PLCB1: variants seen among roughly 807,000 people sequenced by gnomAD.
PLCB1 encodes the protein phospholipase C beta 1, also known as 1-phosphatidylinositol 4,5-bisphosphate phosphodiesterase beta-1.
In PLCB1, 46 loss-of-function variants were observed where a neutral mutation model predicts 161.8. The ratio of observed to expected loss-of-function variants is 0.28; its 90% CI spans 0.22 to 0.36. The LOEUF (loss-of-function observed/expected upper bound fraction) is 0.36. Among genes scored for constraint, PLCB1 ranks in the 10% least tolerant of loss-of-function variants. The pLI is 1.00. For missense variants in PLCB1, 1,016 were observed against 1,472.5 expected, an observed-to-expected ratio of 0.69 and a Z score of 5.07; for synonymous variants, 517 against 503.7, an observed-to-expected ratio of 1.03 and a Z score of -0.35.
chr20:8,483,543 C>G (rs1982594697), intron 3 of PLCB1, among the ~76,000 whole-genome samples: 1 of 152,168 alleles, frequency 6.6e-6, no homozygotes, highest in Non-Finnish European at 1.5e-5. Flanking sequence ...AAGAGCCCTT[C>G]TCTGCCTGAA....
chr20:8,206,985 A>T (rs1423186111), intron 2 of PLCB1, among the ~76,000 whole-genome samples: 2 of 94,670 alleles, frequency 2.1e-5, no homozygotes, highest in Admixed American at 8.9e-5. Context: ...TACAAGGAGA[A>T]TAAAAATTGT....
intron 11 of PLCB1, among the ~76,000 whole-genome samples, chr20:8,702,829 C>T (rs1024178806): frequency 6.6e-6 from 1 of 152,204 alleles, no homozygotes; most frequent in Non-Finnish European, 1.5e-5. Flanking sequence ...TGATCACGCA[C>T]ACCATACAAA....
At chr20:8,809,515 T>C (rs1984708128) in intron 31 of PLCB1, among the ~76,000 whole-genome samples, 1 of 152,054 alleles carries the variant, frequency 6.6e-6, no homozygotes, top group Non-Finnish European at 1.5e-5. Flanking sequence ...TTTACACCAT[T>C]GAAAATCAAC....
chr20:8,868,040 C>T (rs1010811469), intron 31 of PLCB1, among the ~76,000 whole-genome samples: 12 of 151,864 alleles, frequency 7.9e-5, no homozygotes, highest in African/African-American at 1.7e-4. Flanking sequence ...GGTTATAACC[C>T]AAGAGATTTT....
chr20:8,511,940 T>C (rs1983910317), intron 3 of PLCB1, among the ~76,000 whole-genome samples: 4 of 152,180 alleles, frequency 2.6e-5, no homozygotes, highest in Admixed American at 2.6e-4. Context: ...CCTTATCAGA[T>C]GTGTGGTTTG....
intron 19 of PLCB1, 25 bp downstream of exon 19, chr20:8,733,417 G>A (rs953420192): frequency 3.1e-6 from 5 of 1,605,488 alleles, no homozygotes; most frequent in Non-Finnish European, 4.3e-6. Context: ...TCACAAAATT[G>A]TTCCTAACAA....
chr20:8,730,419 T>G (rs567149523), intron 18 of PLCB1, among the ~76,000 whole-genome samples: 27 of 152,010 alleles, frequency 1.8e-4, no homozygotes, highest in Admixed American at 1.2e-3. Context: ...CAGACCCATT[T>G]TTTCACTTTG....
rs565640508 is a variant in PLCB1, at chr20:8,793,969, A to G, written c.3423+3708A>G. On this transcript the variant is annotated intron_variant, in intron 31 of 31. Coordinates refer to ENST00000338037, the MANE Select transcript of PLCB1 (RefSeq NM_015192.4). ...ACATTATCTTTCTCAGGGATGTTCCATGCTGAGAAAAAGAATTCAGCGATA... is the reference window on the plus strand; with the variant it reads ...ACATTATCTTTCTCAGGGATGTTCCGTGCTGAGAAAAAGAATTCAGCGATA... Among the ~76,000 whole-genome samples the G allele has an allele frequency of 9.8e-5, 15 of 152,308 alleles. No individual in the cohort carries two copies. The South Asian group carries it at 2.3e-3, about 23-fold the overall frequency.
chr20:8,795,282 T>C (rs1983961183), intron 31 of PLCB1, among the ~76,000 whole-genome samples: 1 of 152,130 alleles, frequency 6.6e-6, no homozygotes, highest in Non-Finnish European at 1.5e-5. Flanking sequence ...TTTGAGGGCA[T>C]TGGGGAAAAC....
At chr20:8,753,328 CT>C (rs925453037) in intron 23 of PLCB1, among the ~76,000 whole-genome samples, 2 of 152,292 alleles carry the variant, frequency 1.3e-5, no homozygotes, top group African/African-American at 4.8e-5. Flanking sequence ...TCCTCTCCCC[CT>C]GGTCCATGAA....
At chr20:8,535,850 G>A (rs996499798) in intron 3 of PLCB1, among the ~76,000 whole-genome samples, 8 of 152,228 alleles carry the variant, frequency 5.3e-5, no homozygotes, top group Middle Eastern at 3.4e-3. Flanking sequence ...CCATGATGCT[G>A]GTGAAACTTT....
At chr20:8,173,592 A>G (rs1038272105) in intron 2 of PLCB1, among the ~76,000 whole-genome samples, 17 of 152,240 alleles carry the variant, frequency 1.1e-4, no homozygotes, top group African/African-American at 3.4e-4. Flanking sequence ...CGTCCAGGAT[A>G]CAACTGAAAG....
rs576454125 is a variant in PLCB1 at position 8,371,440 on chromosome 20, A to G, written c.236A>G (p.Lys79Arg). The G allele has an allele frequency of 6.2e-7, 1 of 1,612,348 alleles. No homozygotes were observed. The highest frequency in any genetic ancestry group is 1.1e-5 in the South Asian group (1 of 91,002). ...GATGCCAGATGTGGGAGACACGCCAAAGCTCCCAAGGTAGGAGGTTGAGTG... is the reference window on the plus strand; with the variant it reads ...GATGCCAGATGTGGGAGACACGCCAGAGCTCCCAAGGTAGGAGGTTGAGTG... ...VKDARCGRHAKAPKDPKLREL... is the reference protein window; with the variant it reads ...VKDARCGRHARAPKDPKLREL... Residue 79 changes from lysine to arginine, a missense_variant, in exon 3 of 32, where the codon AAA becomes AGA. Coordinates refer to ENST00000338037, the MANE Select transcript of PLCB1 (RefSeq NM_015192.4).
chr20:8,295,876 A>AT, intron 2 of PLCB1, among the ~76,000 whole-genome samples: 1 of 151,678 alleles, frequency 6.6e-6, no homozygotes, highest in Non-Finnish European at 1.5e-5. Flanking sequence ...CGCCTGGCTG[A>AT]TTTTTTTCTA....
chr20:8,416,113 G>A (rs1413511951), intron 3 of PLCB1, among the ~76,000 whole-genome samples: 1 of 152,190 alleles, frequency 6.6e-6, no homozygotes, highest in Non-Finnish European at 1.5e-5. Flanking sequence ...ACACAGGTGT[G>A]ATTTGTTTGA....
At chr20:8,505,983 T>C (rs777891434) in intron 3 of PLCB1, among the ~76,000 whole-genome samples, 1 of 152,222 alleles carries the variant, frequency 6.6e-6, no homozygotes, top group Admixed American at 6.5e-5. Context: ...AGAATTTAAC[T>C]TCCTTTTCTG....
intron 2 of PLCB1, among the ~76,000 whole-genome samples, chr20:8,221,209 A>C (rs973914571): frequency 1.3e-5 from 2 of 152,160 alleles, no homozygotes; most frequent in Non-Finnish European, 2.9e-5. Flanking sequence ...TCTAGTTTAT[A>C]AGACTGTGAG....
intron 2 of PLCB1, among the ~76,000 whole-genome samples, chr20:8,292,456 ATG>A (rs1208061951): frequency 6.6e-6 from 1 of 152,156 alleles, no homozygotes; most frequent in African/African-American, 2.4e-5. Flanking sequence ...ATATTTAGCA[ATG>A]ACAAATTACA....
chr20:8,482,645 T>C (rs1363128850), intron 3 of PLCB1, among the ~76,000 whole-genome samples: 3 of 152,206 alleles, frequency 2.0e-5, no homozygotes, highest in African/African-American at 7.2e-5. Context: ...ATGTGTTCCA[T>C]TTTGGAAAAT....
Sources: gnomAD v4.1 joint callset for allele counts (sites outside exome capture counted in the v4.1 genomes callset) on GRCh38, gnomAD v4.1.1 for gene constraint, MANE v1.5 for transcripts, NCBI Gene and HGNC (gene_info 2026-07-23, HGNC 2026-07-21) for gene names.